NPSR1: variants seen among roughly 807,000 people sequenced by gnomAD.
The protein encoded by NPSR1 is neuropeptide S receptor.
A neutral mutation model predicts 46.9 loss-of-function variants in NPSR1; 48 were observed. The observed-to-expected ratio is 1.02, with a 90% CI of 0.81 to 1.30. The LOEUF (loss-of-function observed/expected upper bound fraction) is 1.30, where lower values mean the gene tolerates loss of function less well. NPSR1 is among the 50% of genes most tolerant of loss of function. NPSR1 has a pLI of 0.00. For missense variants in NPSR1, 450 were observed against 449.5 expected (o/e 1.00, Z -0.01); for synonymous variants, 176 against 168.1 (o/e 1.05, Z -0.36).
At chr7:34,821,523 TAAGGTGAAGAAATATAAGTG>T (rs1033861174) in intron 4 of NPSR1, among the ~76,000 whole-genome samples, 5 of 152,160 alleles carry the variant, frequency 3.3e-5, no homozygotes, top group African/African-American at 1.2e-4. Flanking sequence ...CAAAGTATTT[TAAGGTGAAGAAATATAAGTG>T]AAGGAAAAAT....
intron 3 of NPSR1, 77 bp from the exon 4 acceptor site, chr7:34,811,693 C>A: frequency 2.1e-6 from 2 of 948,472 alleles, no homozygotes; most frequent in Non-Finnish European, 3.2e-6. Context: ...CTAAATAACA[C>A]AAGGTGCTAT....
At chr7:34,837,783 T>A (rs1790425038) in intron 6 of NPSR1, among the ~76,000 whole-genome samples, 1 of 152,032 alleles carries the variant, frequency 6.6e-6, no homozygotes, top group Non-Finnish European at 1.5e-5. Flanking sequence ...AAACTCAGGG[T>A]CTTGGGTGTG....
Position 34,681,688 on chromosome 7 carries a change from G to A in NPSR1, c.148-2864G>A, listed in dbSNP as rs141135617. On this transcript the variant is annotated intron_variant, in intron 1 of 8. Coordinates refer to ENST00000360581, the MANE Select transcript of NPSR1 (RefSeq NM_207172.2). Reference sequence around the variant, plus strand: ...AAGTAGATATAGGTGACCCACTAGAGCTGTGAACTCCTTTAACTCTAGCGT... The same window carrying A: ...AAGTAGATATAGGTGACCCACTAGAACTGTGAACTCCTTTAACTCTAGCGT... 5.9e-5 allele frequency among the ~76,000 whole-genome samples: 9 copies of A among 152,278 alleles called. No homozygotes were observed. The East Asian group carries it at 1.5e-3, about 26-fold the overall frequency.
At chr7:34,866,473 C>A (rs1027808871) in intron 8 of NPSR1, among the ~76,000 whole-genome samples, 11 of 151,546 alleles carry the variant, frequency 7.3e-5, no homozygotes, top group East Asian at 1.9e-4. Flanking sequence ...TATCTCAGAA[C>A]CTGTCCGTTG....
At chr7:34,738,821 G>T (rs1784804631) in intron 2 of NPSR1, among the ~76,000 whole-genome samples, 1 of 152,002 alleles carries the variant, frequency 6.6e-6, no homozygotes, top group East Asian at 1.9e-4. Flanking sequence ...TTCAAAATGT[G>T]GTCAACTATA....
intron 1 of NPSR1, among the ~76,000 whole-genome samples, chr7:34,676,972 T>C (rs914983168): frequency 6.6e-6 from 1 of 152,130 alleles, no homozygotes; most frequent in African/African-American, 2.4e-5. Context: ...CCAACCTGTT[T>C]ACAGAGCTCC....
At chr7:34,658,661 T>C in intron 1 of NPSR1, 102 bp downstream of exon 1, 3 of 1,165,802 alleles carry the variant, frequency 2.6e-6, no homozygotes, top group South Asian at 3.0e-5. Context: ...TGTGAATGAG[T>C]GTTATTTTCT....
At chr7:34,804,406 A>G (rs1688186295) in intron 3 of NPSR1, among the ~76,000 whole-genome samples, 1 of 152,122 alleles carries the variant, frequency 6.6e-6, no homozygotes, top group African/African-American at 2.4e-5. Context: ...CACACAAACA[A>G]GATAAAGAAG....
chr7:34,809,601 C>A (rs909897432), intron 3 of NPSR1, among the ~76,000 whole-genome samples: 1 of 150,974 alleles, frequency 6.6e-6, no homozygotes, highest in African/African-American at 2.4e-5. Context: ...GTAGCTGGGA[C>A]TACAGGCGCC....
At chr7:34,809,900 T>C (rs1424707192) in intron 3 of NPSR1, among the ~76,000 whole-genome samples, 1 of 152,208 alleles carries the variant, frequency 6.6e-6, no homozygotes, top group Non-Finnish European at 1.5e-5. Flanking sequence ...TTTCTGTTCT[T>C]GCATTAGTTT....
At chr7:34,745,632 T>C (rs1456982992) in intron 2 of NPSR1, among the ~76,000 whole-genome samples, 1 of 152,048 alleles carries the variant, frequency 6.6e-6, no homozygotes, top group Non-Finnish European at 1.5e-5. Flanking sequence ...CATCCTCCCA[T>C]CTCAGCCTCC....
intron 3 of NPSR1, among the ~76,000 whole-genome samples, chr7:34,791,036 A>G (rs188702933): frequency 0.038 from 3,400 of 88,966 alleles, 291 homozygotes; most frequent in African/African-American, 0.12. Flanking sequence ...TATGTTATAT[A>G]TTATATTATA....
intron 3 of NPSR1, among the ~76,000 whole-genome samples, chr7:34,792,665 T>TTTTATATATATGTATATATATATATTTA (rs1554331486): frequency 0.043 from 3,352 of 78,100 alleles, 73 homozygotes; most frequent in African/African-American, 0.12. Context: ...ATATATATAT[T>TTTTATATATATGTATATATATATATTTA]TATATATATG....
At chr7:34,874,536 A>G (rs1363450012) in intron 8 of NPSR1, among the ~76,000 whole-genome samples, 1 of 152,184 alleles carries the variant, frequency 6.6e-6, no homozygotes, top group Non-Finnish European at 1.5e-5. Flanking sequence ...CAAGGGCCGC[A>G]ATAGTCAGAA....
chr7:34,722,493 A>G (rs893517450), intron 2 of NPSR1, among the ~76,000 whole-genome samples: 1 of 152,182 alleles, frequency 6.6e-6, no homozygotes, highest in African/African-American at 2.4e-5. Flanking sequence ...TCTGTTTTAT[A>G]TTGATTTGTT....
At chr7:34,753,158 G>A (rs1785632553) in intron 2 of NPSR1, among the ~76,000 whole-genome samples, 1 of 152,130 alleles carries the variant, frequency 6.6e-6, no homozygotes, top group African/African-American at 2.4e-5. Context: ...GCAACACGAT[G>A]GGGACTTCAC....
chr7:34,827,635 G>GGGT, intron 5 of NPSR1, 33 bp downstream of exon 5: 1 of 1,213,064 alleles, frequency 8.2e-7, no homozygotes, highest in Admixed American at 1.9e-5. Flanking sequence ...CCACACGGGG[G>GGGT]GGTGGGGCGG....
In NPSR1 at chr7:34,849,869, C is replaced by T. The variant is rs1405820819; in HGVS notation, c.*214C>T. 25 of 1,317,860 alleles carry T rather than the reference C, an allele frequency of 1.9e-5. No individual in the cohort carries two copies. Among genetic ancestry groups the T allele is most frequent in the South Asian group, 7.1e-5 (4 of 56,670 alleles). 81.6% of individuals were successfully genotyped at this position (1,317,860 alleles called of 1,614,324 possible). ...TTATTCATGCCAGCCAGGAAGGAAACGCCTTCCTTCCCCACCATTCCCAGC... is the reference window on the plus strand; with the variant it reads ...TTATTCATGCCAGCCAGGAAGGAAATGCCTTCCTTCCCCACCATTCCCAGC... On this transcript the variant is annotated 3_prime_UTR_variant, in exon 9 of 9. Transcript: ENST00000360581.
At chr7:34,680,509 G>A (rs1000642800) in intron 1 of NPSR1, among the ~76,000 whole-genome samples, 2 of 152,094 alleles carry the variant, frequency 1.3e-5, no homozygotes, top group African/African-American at 4.8e-5. Flanking sequence ...TTTAAGATTT[G>A]TTTCTCCCAT....
Sources: allele counts gnomAD v4.1 joint callset (sites outside exome capture counted in the v4.1 genomes callset), GRCh38; gene constraint gnomAD v4.1.1; transcripts MANE v1.5; gene names NCBI Gene and HGNC (gene_info 2026-07-23, HGNC 2026-07-21).